ENOSF1: variants seen among roughly 807,000 people sequenced by gnomAD.
ENOSF1 encodes enolase superfamily member 1, also known as mitochondrial enolase superfamily member 1.
A neutral mutation model predicts 68.2 loss-of-function variants in ENOSF1; 73 were observed. The observed-to-expected ratio is 1.07, with a 90% confidence interval of 0.89 to 1.30. ENOSF1 has a LOEUF of 1.30. Ranked by LOEUF, ENOSF1 falls within the 50% of genes most tolerant of loss-of-function variation. The pLI is 0.00. For missense variants in ENOSF1, 589 were observed against 554.5 expected (o/e 1.06, Z -0.62); for synonymous variants, 223 against 210.4 (o/e 1.06, Z -0.52).
At position 683,497 on chromosome 18, in the gene ENOSF1, C is replaced by G. The variant is rs1598588871; in HGVS notation, c.742-117G>C. On this transcript the variant is annotated intron_variant, in intron 10 of 15. Coordinates refer to ENST00000647584, the MANE Select transcript of ENOSF1 (RefSeq NM_017512.7). ...GCCACCAACAGCTGAGTGAGACCCCCTAACGCCTCTGCTGAGGCCCAGCAC... is the reference window on the plus strand; with the variant it reads ...GCCACCAACAGCTGAGTGAGACCCCGTAACGCCTCTGCTGAGGCCCAGCAC... 10 of 1,220,428 alleles carry G rather than the reference C, an allele frequency of 8.2e-6. No homozygotes were observed. The East Asian group carries it at 2.1e-4, about 26-fold the overall frequency. 75.6% of individuals were successfully genotyped at this position (1,220,428 alleles called of 1,614,324 possible). A position where few individuals can be genotyped will look rare whatever the true frequency, so the allele number is the denominator to read the frequency against.
Position 670,660 on chromosome 18 carries a change from T to TC in ENOSF1, c.*3644dup. 3.7e-6 allele frequency: 6 copies of TC among 1,609,218 alleles called. No homozygotes were observed. The highest frequency in any genetic ancestry group is 5.1e-6 in the Non-Finnish European group (6 of 1,176,844). ...TTAGCTGTGGTCTTTCAAACCACCA[T>TC]CCCTCCTTATCTTCCTCTGCTGGTT... On this transcript the variant is annotated 3_prime_UTR_variant, in exon 16 of 16. Transcript: ENST00000647584.
intron 1 of ENOSF1, among the ~76,000 whole-genome samples, chr18:710,855 T>C (rs973424449): frequency 6.6e-6 from 1 of 152,216 alleles, no homozygotes; most frequent in Non-Finnish European, 1.5e-5. Flanking sequence ...TGAGATCGAG[T>C]GTTTGGATTC....
Position 674,039 on chromosome 18 carries a change from C to G in ENOSF1, c.*266G>C. 3.3e-6 allele frequency: 1 copy of G among 304,032 alleles called. No homozygotes were observed. Among genetic ancestry groups the G allele is most frequent in the Non-Finnish European group, 6.0e-6 (1 of 165,682 alleles). 18.8% of individuals were successfully genotyped at this position (304,032 alleles called of 1,614,324 possible). A position where few individuals can be genotyped will look rare whatever the true frequency, so the allele number is the denominator to read the frequency against. On this transcript the variant is annotated 3_prime_UTR_variant, in exon 16 of 16. Transcript: ENST00000647584. ...ACAGTTTAATGTCTAGGTGCCAGCCCTTGATATAGCTATTTTTGTAAGAAC... is the reference window on the plus strand; with the variant it reads ...ACAGTTTAATGTCTAGGTGCCAGCCGTTGATATAGCTATTTTTGTAAGAAC...
chr18:704,087 A>C (rs2078662213), intron 2 of ENOSF1, among the ~76,000 whole-genome samples: 1 of 152,096 alleles, frequency 6.6e-6, no homozygotes, highest in South Asian at 2.1e-4. Flanking sequence ...GAGGCAATTA[A>C]ACCTCTTTTT....
chr18:674,340 C>T lies in ENOSF1; in HGVS notation c.1297G>A (p.Val433Ile), dbSNP rs777477680. Residue 433 changes from valine (V) to isoleucine (I), a missense_variant, in exon 16 of 16, where the codon GTT becomes ATT. Transcript: ENST00000647584. The stretch of plus-strand genomic sequence containing the variant: ...TGAGCAGGAAGGAGTTTCTTCCAAA[C>T]TTCACCATCTGGATACTGGTGTTTC... ...VKKHQYPDGE[V>I]WKKLLPAQEN 8 of 1,612,694 alleles carry T rather than the reference C, an allele frequency of 5.0e-6. No homozygotes were observed. The highest frequency in any genetic ancestry group is 2.7e-5 in the African/African-American group (2 of 74,864).
chr18:705,996 G>C (rs2078888282), intron 2 of ENOSF1, among the ~76,000 whole-genome samples: 1 of 152,134 alleles, frequency 6.6e-6, no homozygotes, highest in East Asian at 1.9e-4. Context: ...GCGACAGAGT[G>C]AGACTCTGTC....
chr18:689,995 A>G (rs1280794547), intron 8 of ENOSF1, among the ~76,000 whole-genome samples: 3 of 152,114 alleles, frequency 2.0e-5, no homozygotes, highest in Non-Finnish European at 4.4e-5. Flanking sequence ...CAGGGTTCAG[A>G]GAGCTTCCAG....
chr18:703,637 T>G (rs531815443), intron 2 of ENOSF1, among the ~76,000 whole-genome samples: 56 of 152,354 alleles, frequency 3.7e-4, no homozygotes, highest in African/African-American at 1.3e-3. Context: ...GGTCTTTCTC[T>G]GCCTGGCAAA....
intron 1 of ENOSF1, among the ~76,000 whole-genome samples, chr18:709,768 TA>T (rs557376583): frequency 5.0e-4 from 72 of 143,360 alleles, no homozygotes; most frequent in Admixed American, 1.1e-3. Flanking sequence ...AGACTCTGTC[TA>T]AAAAAAAAAA....
At chr18:688,496 G>C in intron 9 of ENOSF1, 78 bp downstream of exon 9, 1 of 1,604,386 alleles carries the variant, frequency 6.2e-7, no homozygotes, top group South Asian at 1.1e-5. Context: ...TTACTCCTTG[G>C]CTCCCTGCCA....
At chr18:685,898 T>C (rs1296149422) in intron 10 of ENOSF1, 23 bp downstream of exon 10, 3 of 1,573,074 alleles carry the variant, frequency 1.9e-6, no homozygotes, top group Non-Finnish European at 1.8e-6. Context: ...TACTGCTTCT[T>C]AGTGGTGTGA....
At chr18:695,652 G>T (rs1465005868) in intron 3 of ENOSF1, among the ~76,000 whole-genome samples, 1 of 151,948 alleles carries the variant, frequency 6.6e-6, no homozygotes, top group East Asian at 1.9e-4. Context: ...CAACTATGCT[G>T]CCCAGGCTGG....
chr18:681,600 G>C (rs2076081691), intron 11 of ENOSF1, among the ~76,000 whole-genome samples: 1 of 152,152 alleles, frequency 6.6e-6, no homozygotes, highest in African/African-American at 2.4e-5. Flanking sequence ...GAAAATTTGG[G>C]CTCTGTTTAA....
the ENOSF1 span, among the ~76,000 whole-genome samples, chr18:664,403 TAAG>T: frequency 1.4e-5 from 2 of 146,808 alleles, no homozygotes; most frequent in African/African-American, 5.2e-5. Flanking sequence ...CTTATCAGCT[TAAG>T]GAGATTTTGG....
At chr18:705,632 C>T (rs891315970) in intron 2 of ENOSF1, among the ~76,000 whole-genome samples, 5 of 152,096 alleles carry the variant, frequency 3.3e-5, no homozygotes, top group African/African-American at 4.8e-5. Context: ...TCTGCTCTTC[C>T]CCAAGGGAGA....
At position 670,834 on chromosome 18, in the gene ENOSF1, C is replaced by T. The variant is rs749801250; in HGVS notation, c.*3471G>A. 2.2e-5 allele frequency: 36 copies of T among 1,613,920 alleles called. No individual in the cohort carries two copies. Among genetic ancestry groups the T allele is most frequent in the Non-Finnish European group, 3.0e-5 (35 of 1,180,010 alleles). On this transcript the variant is annotated 3_prime_UTR_variant, in exon 16 of 16. Transcript: ENST00000647584. ...TCAACATCGCCAGCTACGCCCTGCT[C>T]ACGTACATGATTGCGCACATCACGG...
intron 9 of ENOSF1, 146 bp downstream of exon 9, chr18:688,428 G>A (rs2847152): frequency 0.34 from 318,519 of 933,318 alleles, 56,631 homozygotes; most frequent in Non-Finnish European, 0.37. Flanking sequence ...CTGGCCTAAG[G>A]GGAAACTTCT....
Position 672,556 on chromosome 18 carries a change from TTGAC to T in ENOSF1, c.*1745_*1748del, listed in dbSNP as rs2144408578. 4.7e-6 allele frequency: 1 copy of T among 212,610 alleles called. No homozygotes were observed. Among genetic ancestry groups the T allele is most frequent in the South Asian group, 1.4e-4 (1 of 6,906 alleles). 13.2% of individuals were successfully genotyped at this position (212,610 alleles called of 1,614,324 possible). ...ACGTAGAGCTACTATGAGTTACAGA[TTGAC>T]TGTGTTCCTGTCTTTAATAAATTTG... is the stretch of plus-strand genomic sequence containing the variant. On this transcript the variant is annotated 3_prime_UTR_variant, in exon 16 of 16. Coordinates refer to ENST00000647584, the MANE Select transcript of ENOSF1 (RefSeq NM_017512.7).
Position 691,230 on chromosome 18 carries a change from T to TCAGTG in ENOSF1, c.465_469dup (p.Asp157AlafsTer5). On this transcript the variant is annotated frameshift_variant, in exon 6 of 16. Transcript: ENST00000647584. LOFTEE classifies it high-confidence loss of function. ...TAGGGCATCCTCCTCAGTCAGGACA[T>TCAGTG]CAGTGATGTACCTGAAATCTATGCA... is the stretch of plus-strand genomic sequence containing the variant. The TCAGTG allele has an allele frequency of 6.2e-7, 1 of 1,614,146 alleles. No homozygotes were observed. Among genetic ancestry groups the TCAGTG allele is most frequent in the Non-Finnish European group, 8.5e-7 (1 of 1,180,010 alleles).
Sources: gnomAD v4.1 joint callset for allele counts (sites outside exome capture counted in the v4.1 genomes callset) on GRCh38, gnomAD v4.1.1 for gene constraint, MANE v1.5 for transcripts, NCBI Gene and HGNC (gene_info 2026-07-23, HGNC 2026-07-21) for gene names.